The following CDIN1 variants were observed in gnomAD, a reference collection of about 807,000 sequenced individuals.
The protein encoded by CDIN1 is CDAN1-interacting nuclease 1.
CDIN1 carries 33 observed loss-of-function variants against 45.3 expected under a neutral mutation model. The observed-to-expected ratio is 0.73, with a 90% CI of 0.55 to 0.97. CDIN1 has a LOEUF of 0.97. Ranked by LOEUF, CDIN1 falls within the 50% of genes least tolerant of loss-of-function variation. The pLI is 0.00. For missense variants in CDIN1, 303 were observed against 339.4 expected (o/e 0.89, Z 0.84); for synonymous variants, 118 against 124.4 (o/e 0.95, Z 0.34).
chr15:36,596,317 A>G (rs577279242), intron 1 of CDIN1, among the ~76,000 whole-genome samples: 67 of 152,240 alleles, frequency 4.4e-4, no homozygotes, highest in African/African-American at 1.6e-3. Context: ...GAAAGGAAAT[A>G]TTAGAGGGGG....
At chr15:36,584,706 A>G (rs2037210970) in intron 1 of CDIN1, among the ~76,000 whole-genome samples, 1 of 152,106 alleles carries the variant, frequency 6.6e-6, no homozygotes, top group Non-Finnish European at 1.5e-5. Flanking sequence ...ACACACTCCC[A>G]TACTCACTCA....
In CDIN1 at chr15:36,691,687, T is replaced by A. The variant is rs1343678584; in HGVS notation, c.349T>A (p.Ser117Thr). The stretch of plus-strand genomic sequence containing the variant: ...AGTTCATCTCTTTTCTTCTACAGCC[T>A]CCAAGTCTATTATAAATAGTATGCT... ...FLQEHEETPP[S>T]KSIINSMLRD... Residue 117 changes from serine (S) to threonine (T), a missense_variant and splice_region_variant, in exon 6 of 11, where the codon TCC becomes ACC. By Grantham distance (58) the Ser-to-Thr change is moderately conservative. Coordinates refer to ENST00000566621, the MANE Select transcript of CDIN1 (RefSeq NM_001321759.2). 6.9e-6 allele frequency: 11 copies of A among 1,591,182 alleles called. No individual in the cohort carries two copies. Among genetic ancestry groups the A allele is most frequent in the Non-Finnish European group, 9.4e-6 (11 of 1,165,512 alleles).
chr15:36,596,779 A>G (rs573288629), intron 1 of CDIN1, among the ~76,000 whole-genome samples: 19 of 152,104 alleles, frequency 1.2e-4, no homozygotes, highest in Non-Finnish European at 2.1e-4. Flanking sequence ...CCCTCTTTAA[A>G]AAAAACAAAA....
intron 8 of CDIN1, chr15:36,706,621 AAAC>A (rs1190901789): frequency 2.6e-5 from 4 of 152,188 alleles, no homozygotes; most frequent in South Asian, 4.2e-4. Flanking sequence ...TCAAAAAAAA[AAAC>A]AAAAAAAAAG....
intron 10 of CDIN1, among the ~76,000 whole-genome samples, chr15:36,730,595 A>G (rs570086189): frequency 2.5e-4 from 38 of 152,246 alleles, no homozygotes; most frequent in East Asian, 1.7e-3. Context: ...AAGTTAAGCT[A>G]TATATTTTAG....
intron 10 of CDIN1, among the ~76,000 whole-genome samples, chr15:36,801,705 C>A (rs2055054788): frequency 6.6e-6 from 1 of 152,182 alleles, no homozygotes; most frequent in South Asian, 2.1e-4. Flanking sequence ...TGAGACATTT[C>A]TCTTCTCTGA....
intron 10 of CDIN1, among the ~76,000 whole-genome samples, chr15:36,721,616 G>C (rs948540076): frequency 6.6e-6 from 1 of 152,096 alleles, no homozygotes; most frequent in South Asian, 2.1e-4. Flanking sequence ...ATGTACACTT[G>C]AAACTATTCC....
intron 7 of CDIN1, among the ~76,000 whole-genome samples, 195 bp from the exon 8 acceptor site, chr15:36,697,128 T>TA (rs35110312): frequency 4.8e-4 from 69 of 144,618 alleles, no homozygotes; most frequent in Non-Finnish European, 6.1e-4. Flanking sequence ...CTGTCTCTAT[T>TA]AAAAAAAAAA....
chr15:36,591,868 G>T, intron 1 of CDIN1: 1 of 152,294 alleles, frequency 6.6e-6, no homozygotes, highest in Non-Finnish European at 1.5e-5. Flanking sequence ...TTAAATTAGA[G>T]AACAGACTCC....
chr15:36,773,076 G>T (rs1319878477), intron 10 of CDIN1, among the ~76,000 whole-genome samples: 2 of 152,006 alleles, frequency 1.3e-5, no homozygotes, highest in East Asian at 3.9e-4. Context: ...GTGGGGGGTG[G>T]GGGGAGGTTC....
At chr15:36,669,372 A>G (rs2041364702) in intron 5 of CDIN1, among the ~76,000 whole-genome samples, 1 of 152,170 alleles carries the variant, frequency 6.6e-6, no homozygotes. Flanking sequence ...TAAGTTTGTC[A>G]TAAGGTCATT....
chr15:36,718,219 C>T (rs1299470670), intron 10 of CDIN1, among the ~76,000 whole-genome samples: 1 of 151,964 alleles, frequency 6.6e-6, no homozygotes, highest in Non-Finnish European at 1.5e-5. Flanking sequence ...TCTGTTTGTT[C>T]CATCATCGGT....
rs756863819 is a variant in CDIN1 at position 36,657,884 on chromosome 15, C to A, written c.325C>A (p.Gln109Lys). 6.2e-7 allele frequency: 1 copy of A among 1,611,898 alleles called. No individual in the cohort carries two copies. The highest frequency in any genetic ancestry group is 1.1e-5 in the South Asian group (1 of 90,614). ...MARLILERFLQEHEETPPSKS... is the reference protein window; with the variant it reads ...MARLILERFLKEHEETPPSKS... Reference sequence around the variant, plus strand: ...TCGGCTTATACTGGAGAGGTTTCTACAGGAACACGAGGAAACTCCACGTGA... The same window carrying A: ...TCGGCTTATACTGGAGAGGTTTCTAAAGGAACACGAGGAAACTCCACGTGA... The change falls in exon 5 of 11, where the codon CAG (glutamine) becomes AAG (lysine). Residue 109 changes from glutamine (Q) to lysine (K), a missense_variant. Transcript: ENST00000566621.
intron 10 of CDIN1, among the ~76,000 whole-genome samples, chr15:36,785,650 G>C (rs2054471271): frequency 6.6e-6 from 1 of 152,190 alleles, no homozygotes; most frequent in African/African-American, 2.4e-5. Context: ...TTGCTCTCCA[G>C]TGACCCAGGG....
chr15:36,738,054 T>C (rs1359478549), intron 10 of CDIN1, among the ~76,000 whole-genome samples: 1 of 152,186 alleles, frequency 6.6e-6, no homozygotes, highest in Admixed American at 6.5e-5. Flanking sequence ...TCAATCTCCA[T>C]TCATGCTTCC....
At chr15:36,622,066 T>G (rs1021822579) in intron 1 of CDIN1, among the ~76,000 whole-genome samples, 1 of 152,206 alleles carries the variant, frequency 6.6e-6, no homozygotes, top group African/African-American at 2.4e-5. Context: ...GTGGTTAGAA[T>G]TTTATGTGTG....
At chr15:36,595,983 T>C (rs544943197) in intron 1 of CDIN1, among the ~76,000 whole-genome samples, 1 of 152,288 alleles carries the variant, frequency 6.6e-6, no homozygotes, top group South Asian at 2.1e-4. Context: ...CTTCAGTAGA[T>C]TTAATGAAGA....
chr15:36,687,455 C>T (rs972544148), intron 5 of CDIN1, among the ~76,000 whole-genome samples: 2 of 152,034 alleles, frequency 1.3e-5, no homozygotes, highest in African/African-American at 4.8e-5. Flanking sequence ...GGAGGCAGAT[C>T]CTATCCAAAA....
intron 10 of CDIN1, among the ~76,000 whole-genome samples, chr15:36,757,720 C>T (rs933079449): frequency 4.6e-5 from 7 of 152,068 alleles, no homozygotes; most frequent in Admixed American, 1.3e-4. Context: ...CATCTTGGCT[C>T]GGTGACCCAG....
Sources: allele counts gnomAD v4.1 joint callset (sites outside exome capture counted in the v4.1 genomes callset), GRCh38; gene constraint gnomAD v4.1.1; transcripts MANE v1.5; gene names NCBI Gene and HGNC (gene_info 2026-07-23, HGNC 2026-07-21).